DMRT1: variants seen among roughly 807,000 people sequenced by gnomAD.
DMRT1 encodes the protein doublesex- and mab-3-related transcription factor 1.
In DMRT1, 7 loss-of-function variants were observed where a neutral mutation model predicts 32.3. The observed-to-expected ratio is 0.22, with a 90% CI of 0.12 to 0.41. The LOEUF is 0.41. Among genes scored for constraint, DMRT1 ranks in the 10% least tolerant of loss-of-function variants. DMRT1 has a pLI of 1.00. For synonymous variants in DMRT1, 278 were observed against 206.1 expected (o/e 1.35, Z -2.99); for missense variants, 625 against 500.5 (o/e 1.25, Z -2.37).
chr9:883,458 T>C (rs73374707), intron 2 of DMRT1, among the ~76,000 whole-genome samples: 4,094 of 151,876 alleles, frequency 0.027, 72 homozygotes, highest in African/African-American at 0.033. Context: ...CATCATCGAA[T>C]GACACAGCCT....
chr9:947,646 C>T (rs114112853), intron 4 of DMRT1, among the ~76,000 whole-genome samples: 3,283 of 152,116 alleles, frequency 0.022, 129 homozygotes, highest in African/African-American at 0.076. Flanking sequence ...TTTTTTGAGA[C>T]AGAGTCTGAC....
chr9:953,609 G>T (rs979078764), intron 4 of DMRT1, among the ~76,000 whole-genome samples: 8 of 152,262 alleles, frequency 5.3e-5, no homozygotes, highest in African/African-American at 1.9e-4. Flanking sequence ...CTCTGTTGTT[G>T]TACTCCCTCT....
At chr9:877,940 T>C (rs1456286538) in intron 2 of DMRT1, among the ~76,000 whole-genome samples, 1 of 152,214 alleles carries the variant, frequency 6.6e-6, no homozygotes, top group African/African-American at 2.4e-5. Context: ...CTTTGGAATA[T>C]ACCATTAAAG....
rs1180408444 is a variant in DMRT1 at position 842,744 on chromosome 9, C to T, written c.354+552C>T. 2 of 153,190 alleles carry T rather than the reference C, an allele frequency of 1.3e-5. 1 individual carries two copies. The highest frequency in any genetic ancestry group is 6.8e-3 in the Middle Eastern group (2 of 294). 9.5% of individuals were successfully genotyped at this position (153,190 alleles called of 1,614,324 possible). ...TGCGGGCTTCGCTCGGCTCGGGGTT[C>T]CCCACGATCTCTCACCCTGTGTTTC... On this transcript the variant is annotated intron_variant, in intron 1 of 4. Transcript: ENST00000382276.
chr9:868,530 G>T (rs547537048), intron 2 of DMRT1, among the ~76,000 whole-genome samples: 27 of 152,264 alleles, frequency 1.8e-4, no homozygotes, highest in Non-Finnish European at 3.7e-4. Flanking sequence ...GGTTTCAATC[G>T]CAGTTCCAGC....
intron 3 of DMRT1, among the ~76,000 whole-genome samples, chr9:912,290 C>T (rs1048769597): frequency 1.3e-5 from 2 of 152,174 alleles, no homozygotes; most frequent in Admixed American, 6.5e-5. Context: ...GTGGAGATTA[C>T]GGTGTGAGAT....
At chr9:846,792 A>G (rs934285255) in intron 1 of DMRT1, among the ~76,000 whole-genome samples, 168 bp from the exon 2 acceptor site, 5 of 152,138 alleles carry the variant, frequency 3.3e-5, no homozygotes, top group African/African-American at 4.8e-5. Flanking sequence ...ACTGTTTCTC[A>G]GCTTTGCACA....
intron 4 of DMRT1, among the ~76,000 whole-genome samples, chr9:920,568 A>G (rs1410061742): frequency 6.6e-6 from 1 of 152,192 alleles, no homozygotes; most frequent in Non-Finnish European, 1.5e-5. Flanking sequence ...GGAGAGAAGA[A>G]TTGGTGCAGT....
chr9:932,800 A>T (rs973402704), intron 4 of DMRT1, among the ~76,000 whole-genome samples: 1 of 152,208 alleles, frequency 6.6e-6, no homozygotes, highest in African/African-American at 2.4e-5. Flanking sequence ...AGAACTCAGA[A>T]AGTGCTTTAC....
At chr9:884,300 G>T (rs1003001883) in intron 2 of DMRT1, among the ~76,000 whole-genome samples, 2 of 150,858 alleles carry the variant, frequency 1.3e-5, no homozygotes, top group East Asian at 2.0e-4. Context: ...ATCAGTAAGG[G>T]TATTTATCAT....
At chr9:937,294 C>T (rs1160675007) in intron 4 of DMRT1, among the ~76,000 whole-genome samples, 1 of 152,204 alleles carries the variant, frequency 6.6e-6, no homozygotes, top group African/African-American at 2.4e-5. Context: ...TGAAATAATG[C>T]TGCTGTGAAG....
chr9:904,747 C>T (rs55722154), intron 3 of DMRT1, among the ~76,000 whole-genome samples: 9,616 of 152,138 alleles, frequency 0.063, 410 homozygotes, highest in Middle Eastern at 0.12. Flanking sequence ...GAGTTTGAGA[C>T]CAATCTCAGC....
At chr9:890,460 C>T (rs1258029335) in intron 2 of DMRT1, among the ~76,000 whole-genome samples, 1 of 152,152 alleles carries the variant, frequency 6.6e-6, no homozygotes, top group Non-Finnish European at 1.5e-5. Context: ...GATTTGGTTT[C>T]CTTTCAGAGA....
chr9:882,664 G>C (rs1020051166), intron 2 of DMRT1, among the ~76,000 whole-genome samples: 1 of 151,548 alleles, frequency 6.6e-6, no homozygotes, highest in African/African-American at 2.4e-5. Flanking sequence ...TTGAAGGCCT[G>C]TGTTTGCTCA....
In DMRT1 at chr9:905,393, T is replaced by A. The variant is rs1033073312; in HGVS notation, c.822+11198T>A. Among the ~76,000 whole-genome samples the A allele has an allele frequency of 3.3e-5, 5 of 152,042 alleles. No homozygotes were observed. In the East Asian group the frequency reaches 7.7e-4, roughly 23 times the overall value. On this transcript the variant is annotated intron_variant, in intron 3 of 4. Coordinates refer to ENST00000382276, the MANE Select transcript of DMRT1 (RefSeq NM_021951.3). ...AGTTCTAGGGGAAGGAAGGCAGACATAATTCTATGTCTGGAGTATTTGTAT... is the reference window on the plus strand; with the variant it reads ...AGTTCTAGGGGAAGGAAGGCAGACAAAATTCTATGTCTGGAGTATTTGTAT...
At chr9:889,432 T>A (rs925600893) in intron 2 of DMRT1, among the ~76,000 whole-genome samples, 2 of 152,226 alleles carry the variant, frequency 1.3e-5, no homozygotes, top group Non-Finnish European at 2.9e-5. Context: ...ATATCTCCTA[T>A]TTATTCTTAA....
chr9:932,301 A>T (rs985685971), intron 4 of DMRT1, among the ~76,000 whole-genome samples: 1 of 152,208 alleles, frequency 6.6e-6, no homozygotes, highest in Non-Finnish European at 1.5e-5. Flanking sequence ...AGACTTTGCC[A>T]GTTTTCCTGG....
chr9:887,962 A>T (rs2132641842), intron 2 of DMRT1, among the ~76,000 whole-genome samples: 1 of 152,364 alleles, frequency 6.6e-6, no homozygotes, highest in East Asian at 1.9e-4. Flanking sequence ...AAATCTAAAT[A>T]TAAAAATACA....
rs2132531180 is a variant in DMRT1 at position 841,717 on chromosome 9, T to A, written c.-122T>A. The A allele has an allele frequency of 6.5e-7, 1 of 1,538,190 alleles. No individual in the cohort carries two copies. Among genetic ancestry groups the A allele is most frequent in the South Asian group, 1.2e-5 (1 of 83,468 alleles). ...TCGCCACTCCAGCTGCGCCTCCGGCTGCAGCGCACACGTCTCCTGCGCCTC... is the reference window on the plus strand; with the variant it reads ...TCGCCACTCCAGCTGCGCCTCCGGCAGCAGCGCACACGTCTCCTGCGCCTC... On this transcript the variant is annotated 5_prime_UTR_variant, in exon 1 of 5. Coordinates refer to ENST00000382276, the MANE Select transcript of DMRT1 (RefSeq NM_021951.3).
Sources: gnomAD v4.1 joint callset for allele counts (sites outside exome capture counted in the v4.1 genomes callset) on GRCh38, gnomAD v4.1.1 for gene constraint, MANE v1.5 for transcripts, NCBI Gene and HGNC (gene_info 2026-07-23, HGNC 2026-07-21) for gene names.